Variants in NAALADL2 observed in about 807,000 individuals in gnomAD.
NAALADL2 encodes the protein N-acetylated alpha-linked acidic dipeptidase like 2.
NAALADL2 carries 76 observed loss-of-function variants against 87.2 expected under a neutral mutation model. The ratio of observed to expected loss-of-function variants is 0.87; its 90% CI spans 0.72 to 1.05. The LOEUF is 1.05. Among genes scored for constraint, NAALADL2 ranks in the 50% least tolerant of loss-of-function variants. The pLI, the probability that NAALADL2 is intolerant of heterozygous loss-of-function variation, is 0.00. For synonymous variants in NAALADL2, 354 were observed against 331.0 expected, an observed-to-expected ratio of 1.07 and a Z score of -0.75; for missense variants, 1,089 against 945.8, an observed-to-expected ratio of 1.15 and a Z score of -1.99.
chr3:174,507,410 A>G (rs2108381479), intron 1 of NAALADL2, among the ~76,000 whole-genome samples: 1 of 152,122 alleles, frequency 6.6e-6, no homozygotes, highest in Non-Finnish European at 1.5e-5. Flanking sequence ...AGTTTTTCTC[A>G]CTGATTTTTT....
intron 2 of NAALADL2, among the ~76,000 whole-genome samples, chr3:174,597,030 A>T (rs1560080538): frequency 6.6e-6 from 1 of 152,196 alleles, no homozygotes; most frequent in African/African-American, 2.4e-5. Flanking sequence ...GGCATCCAAC[A>T]CTATCCCAAG....
chr3:174,904,854 C>A (rs1732787352), intron 1 of NAALADL2, among the ~76,000 whole-genome samples: 1 of 139,160 alleles, frequency 7.2e-6, no homozygotes, highest in Non-Finnish European at 1.5e-5. Context: ...TGGTGAATTT[C>A]TTTTAAATTA....
chr3:175,655,116 G>A lies in NAALADL2; in HGVS notation c.1896+27730G>A, dbSNP rs115274422. Among the ~76,000 whole-genome samples, 226 of 152,090 alleles carry A rather than the reference G, an allele frequency of 1.5e-3. 1 individual carries two copies. Among genetic ancestry groups the A allele is most frequent in the African/African-American group, 5.0e-3 (209 of 41,494 alleles). On this transcript the variant is annotated intron_variant, in intron 11 of 13. Transcript: ENST00000454872. ...TGATGTAGTTATGATTTAATAATGTGTCTTTGCATTTGTTAACATTTATCT... is the reference window on the plus strand; with the variant it reads ...TGATGTAGTTATGATTTAATAATGTATCTTTGCATTTGTTAACATTTATCT...
intron 2 of NAALADL2, among the ~76,000 whole-genome samples, chr3:174,611,058 C>T (rs1429505560): frequency 6.6e-6 from 1 of 151,618 alleles, no homozygotes; most frequent in African/African-American, 2.4e-5. Flanking sequence ...AGTAAACTAT[C>T]ACAAGGACAA....
chr3:175,716,294 CAT>C (rs1227494883), intron 11 of NAALADL2, among the ~76,000 whole-genome samples: 1 of 144,214 alleles, frequency 6.9e-6, no homozygotes, highest in African/African-American at 2.5e-5. Flanking sequence ...TGTTATTACA[CAT>C]ATAAGATATA....
intron 11 of NAALADL2, among the ~76,000 whole-genome samples, chr3:175,667,241 A>AAGAAAGAAAGAAAGAAAGAAAAAGAAAG (rs1182682303): frequency 2.2e-5 from 2 of 91,716 alleles, no homozygotes; most frequent in African/African-American, 1.0e-4. Flanking sequence ...GAAAGAAAGA[A>AAGAAAGAAAGAAAGAAAGAAAAAGAAAG]AAAGAAAGAA....
At chr3:175,322,383 C>A (rs1188778806) in intron 4 of NAALADL2, among the ~76,000 whole-genome samples, 1 of 113,436 alleles carries the variant, frequency 8.8e-6, no homozygotes, top group Non-Finnish European at 1.7e-5. Flanking sequence ...ACCATAAAAA[C>A]CCTAGAAGAA....
rs1561005186 is a variant in NAALADL2, at chr3:175,704,295, A to G, written c.1897-33011A>G. 2.6e-5 allele frequency among the ~76,000 whole-genome samples: 4 copies of G among 152,268 alleles called. No homozygotes were observed. The South Asian group carries it at 8.3e-4, about 32-fold the overall frequency. On this transcript the variant is annotated intron_variant, in intron 11 of 13. Coordinates refer to ENST00000454872, the MANE Select transcript of NAALADL2 (RefSeq NM_207015.3). ...AGGCTTCCTTTTTCCTCTGTCATTCAGTACAAACGTGGAAAGCCCTGGAAT... is the reference window on the plus strand; with the variant it reads ...AGGCTTCCTTTTTCCTCTGTCATTCGGTACAAACGTGGAAAGCCCTGGAAT...
chr3:175,462,864 C>G (rs1430679113), intron 6 of NAALADL2, among the ~76,000 whole-genome samples: 1 of 152,096 alleles, frequency 6.6e-6, no homozygotes, highest in East Asian at 1.9e-4. Flanking sequence ...AATAAAAACT[C>G]TAATATATGA....
chr3:174,966,030 ATATAAGTGAATCCAGTCAGCACATT>A (rs1742814725), intron 1 of NAALADL2, among the ~76,000 whole-genome samples: 1 of 152,122 alleles, frequency 6.6e-6, no homozygotes, highest in Non-Finnish European at 1.5e-5. Context: ...ATGATCATAA[ATATAAGTGAATCCAGTCAGCACATT>A]TATAAGATTA....
At chr3:175,341,991 G>A (rs1762611380) in intron 5 of NAALADL2, among the ~76,000 whole-genome samples, 2 of 151,920 alleles carry the variant, frequency 1.3e-5, no homozygotes, top group Admixed American at 1.3e-4. Context: ...TAGATGTATG[G>A]GTTAATTTAT....
intron 10 of NAALADL2, among the ~76,000 whole-genome samples, chr3:175,582,442 C>A (rs953177363): frequency 2.0e-5 from 3 of 152,150 alleles, no homozygotes; most frequent in African/African-American, 7.2e-5. Flanking sequence ...AATTCTAATG[C>A]TGCTTTCAGT....
chr3:174,569,374 T>C (rs1226301174), intron 2 of NAALADL2, among the ~76,000 whole-genome samples: 4 of 152,070 alleles, frequency 2.6e-5, no homozygotes, highest in Non-Finnish European at 5.9e-5. Context: ...TAAAGATTAA[T>C]TTTCATATGA....
rs577483002 is a variant in NAALADL2 at position 174,955,000 on chromosome 3, T to C, written c.43+95550T>C. On this transcript the variant is annotated intron_variant, in intron 1 of 13. Coordinates refer to ENST00000454872, the MANE Select transcript of NAALADL2 (RefSeq NM_207015.3). ...TATATTATTTTTTAAAGTCTCCTTATAAAAATGCTTCATGAATCTAAAATG... is the reference window on the plus strand; with the variant it reads ...TATATTATTTTTTAAAGTCTCCTTACAAAAATGCTTCATGAATCTAAAATG... 4.2e-4 allele frequency among the ~76,000 whole-genome samples: 64 copies of C among 152,242 alleles called. No homozygotes were observed. In the South Asian group the frequency reaches 0.011, roughly 26 times the overall value.
chr3:175,451,805 A>T (rs900312845), intron 6 of NAALADL2, among the ~76,000 whole-genome samples: 1 of 152,008 alleles, frequency 6.6e-6, no homozygotes, highest in Non-Finnish European at 1.5e-5. Context: ...CTTATTTCCT[A>T]TTATTTCCTT....
intron 2 of NAALADL2, among the ~76,000 whole-genome samples, chr3:175,101,780 A>G (rs1484122533): frequency 6.6e-6 from 1 of 151,866 alleles, no homozygotes; most frequent in East Asian, 1.9e-4. Flanking sequence ...TTTGCCTTTG[A>G]CAGCTGTCGA....
intron 5 of NAALADL2, among the ~76,000 whole-genome samples, chr3:175,416,217 A>G (rs1348147030): frequency 6.6e-6 from 1 of 152,172 alleles, no homozygotes; most frequent in Non-Finnish European, 1.5e-5. Context: ...AATTCTTCCA[A>G]TAGTTTTCTA....
At chr3:175,560,716 G>C (rs1716132248) in intron 9 of NAALADL2, among the ~76,000 whole-genome samples, 1 of 152,110 alleles carries the variant, frequency 6.6e-6, no homozygotes, top group Non-Finnish European at 1.5e-5. Context: ...CCGCCTCCCG[G>C]GTTCAAGTGA....
intron 5 of NAALADL2, among the ~76,000 whole-genome samples, chr3:175,325,693 T>C (rs1760623489): frequency 6.6e-6 from 1 of 152,214 alleles, no homozygotes; most frequent in South Asian, 2.1e-4. Flanking sequence ...TTGCCCCAGG[T>C]CATTTCATAA....
Sources: allele counts gnomAD v4.1 joint callset (sites outside exome capture counted in the v4.1 genomes callset), GRCh38; gene constraint gnomAD v4.1.1; transcripts MANE v1.5; gene names NCBI Gene and HGNC (gene_info 2026-07-23, HGNC 2026-07-21).